The following PRRX1 variants were observed in gnomAD, a reference collection of about 807,000 sequenced individuals.
PRRX1 encodes the protein paired related homeobox 1, also known as paired mesoderm homeobox protein 1.
Under a neutral mutation model 24.0 loss-of-function variants are expected in PRRX1, and 8 were observed. The observed-to-expected ratio is 0.33, with a 90% CI of 0.20 to 0.60. PRRX1 has a LOEUF of 0.60. Ranked by LOEUF, PRRX1 falls within the 20% of genes least tolerant of loss-of-function variation. PRRX1 has a pLI of 0.82. For synonymous variants in PRRX1, 160 were observed against 131.7 expected (o/e 1.22, Z -1.47); for missense variants, 281 against 322.4 (o/e 0.87, Z 0.98).
intron 3 of PRRX1, 81 bp downstream of exon 3, chr1:170,726,482 C>T (rs1655260004): frequency 4.7e-6 from 7 of 1,491,550 alleles, no homozygotes; most frequent in Non-Finnish European, 6.5e-6. Flanking sequence ...GCTTGTGCAG[C>T]TCACCGACAT....
At chr1:170,730,178 C>T (rs1655384173) in intron 3 of PRRX1, 8 of 1,015,886 alleles carry the variant, frequency 7.9e-6, no homozygotes, top group Admixed American at 5.1e-5. Flanking sequence ...GCTTCCCTCC[C>T]CATCCTTCTC....
At chr1:170,714,674 T>C (rs1654850580) in intron 1 of PRRX1, among the ~76,000 whole-genome samples, 1 of 152,192 alleles carries the variant, frequency 6.6e-6, no homozygotes, top group Non-Finnish European at 1.5e-5. Flanking sequence ...TAGCTGAAGC[T>C]TGCATGGCAA....
intron 3 of PRRX1, among the ~76,000 whole-genome samples, chr1:170,732,199 A>G (rs979992917): frequency 1.3e-5 from 2 of 152,180 alleles, no homozygotes; most frequent in Admixed American, 6.5e-5. Context: ...CATGTTCCGA[A>G]TGGCCCTATA....
At chr1:170,683,408 G>A (rs948406290) in intron 1 of PRRX1, among the ~76,000 whole-genome samples, 2 of 152,134 alleles carry the variant, frequency 1.3e-5, no homozygotes, top group African/African-American at 4.8e-5. Context: ...TGTCAATGAG[G>A]CTGTGCAGCC....
chr1:170,671,053 A>G (rs893588172), intron 1 of PRRX1, among the ~76,000 whole-genome samples: 3 of 152,160 alleles, frequency 2.0e-5, no homozygotes, highest in African/African-American at 7.2e-5. Context: ...CAGCTCTCTT[A>G]CAAAGGTATA....
At chr1:170,673,931 A>G (rs1013481801) in intron 1 of PRRX1, among the ~76,000 whole-genome samples, 1 of 152,206 alleles carries the variant, frequency 6.6e-6, no homozygotes, top group African/African-American at 2.4e-5. Flanking sequence ...AACTCTCTGT[A>G]TCCATGCTTG....
chr1:170,693,461 T>C (rs1437483447), intron 1 of PRRX1, among the ~76,000 whole-genome samples: 2 of 152,024 alleles, frequency 1.3e-5, no homozygotes, highest in Non-Finnish European at 2.9e-5. Context: ...ATATTTGATA[T>C]GGCAGTACAG....
chr1:170,697,027 A>C (rs1654192678), intron 1 of PRRX1, among the ~76,000 whole-genome samples: 1 of 152,208 alleles, frequency 6.6e-6, no homozygotes, highest in Non-Finnish European at 1.5e-5. Context: ...TGAACATAGC[A>C]GACCAAACGT....
intron 1 of PRRX1, among the ~76,000 whole-genome samples, chr1:170,705,546 G>C (rs1229587922): frequency 6.6e-6 from 1 of 152,128 alleles, no homozygotes; most frequent in African/African-American, 2.4e-5. Context: ...GCATCCCAAA[G>C]TGCTGGAATT....
intron 1 of PRRX1, among the ~76,000 whole-genome samples, chr1:170,676,528 C>G (rs982132027): frequency 1.3e-5 from 2 of 151,994 alleles, no homozygotes; most frequent in Non-Finnish European, 2.9e-5. Flanking sequence ...AGATGACTTA[C>G]TTTGTCATAA....
chr1:170,676,398 T>C (rs1305725225), intron 1 of PRRX1, among the ~76,000 whole-genome samples: 1 of 152,004 alleles, frequency 6.6e-6, no homozygotes, highest in Admixed American at 6.6e-5. Flanking sequence ...TTCTGAACTG[T>C]TTTGGGCTTT....
chr1:170,715,808 C>T (rs755907954), intron 1 of PRRX1, among the ~76,000 whole-genome samples: 1 of 152,142 alleles, frequency 6.6e-6, no homozygotes, highest in Non-Finnish European at 1.5e-5. Flanking sequence ...TGATATTCAT[C>T]GACCCTCTTT....
intron 2 of PRRX1, 44 bp downstream of exon 2, chr1:170,719,945 C>A (rs1188919582): frequency 6.2e-7 from 1 of 1,605,114 alleles, no homozygotes. Flanking sequence ...GTACCCTCCT[C>A]AGAGGCACAT....
chr1:170,684,944 T>C (rs1211162316), intron 1 of PRRX1, among the ~76,000 whole-genome samples: 1 of 152,206 alleles, frequency 6.6e-6, no homozygotes, highest in African/African-American at 2.4e-5. Context: ...AGTTATGCCA[T>C]TGATTAGGTA....
intron 3 of PRRX1, among the ~76,000 whole-genome samples, chr1:170,732,545 C>G (rs1378749471): frequency 6.6e-6 from 1 of 152,172 alleles, no homozygotes; most frequent in African/African-American, 2.4e-5. Context: ...CTGTATGGCA[C>G]CCTTAGCTCA....
intron 3 of PRRX1, among the ~76,000 whole-genome samples, chr1:170,729,641 T>G (rs1655366302): frequency 6.6e-6 from 1 of 152,186 alleles, no homozygotes; most frequent in Admixed American, 6.5e-5. Context: ...CCTAGCAAAC[T>G]GGGACATATA....
chr1:170,691,439 C>A (rs1299808987), intron 1 of PRRX1, among the ~76,000 whole-genome samples: 2 of 119,690 alleles, frequency 1.7e-5, no homozygotes, highest in Non-Finnish European at 3.7e-5. Context: ...CCCTTTCCTT[C>A]CATTTCCTTT....
At chr1:170,665,388 C>A (rs1181801845) in intron 1 of PRRX1, among the ~76,000 whole-genome samples, 2 of 152,190 alleles carry the variant, frequency 1.3e-5, no homozygotes, top group Non-Finnish European at 2.9e-5. Flanking sequence ...TCCCCATGCC[C>A]CCAAGTCTGT....
intron 1 of PRRX1, among the ~76,000 whole-genome samples, chr1:170,695,200 A>C (rs1261076123): frequency 2.0e-5 from 3 of 152,172 alleles, no homozygotes; most frequent in Non-Finnish European, 4.4e-5. Flanking sequence ...GTGCCCTTCC[A>C]AATCTCTTAC....
Sources: gnomAD v4.1 joint callset for allele counts (sites outside exome capture counted in the v4.1 genomes callset) on GRCh38, gnomAD v4.1.1 for gene constraint, MANE v1.5 for transcripts, NCBI Gene and HGNC (gene_info 2026-07-23, HGNC 2026-07-21) for gene names.